The following GAB2 variants were observed in gnomAD, a reference collection of about 807,000 sequenced individuals.
GAB2 encodes the protein GRB2-associated-binding protein 2.
In GAB2, 26 loss-of-function variants were observed where a neutral mutation model predicts 65.5. The observed-to-expected ratio is 0.40, with a 90% CI of 0.29 to 0.55. The LOEUF is 0.55. GAB2 is among the 20% of genes least tolerant of loss of function. The pLI, the probability that GAB2 is intolerant of heterozygous loss-of-function variation, is 0.53. For missense variants in GAB2, 884 were observed against 875.8 expected (o/e 1.01, Z -0.12); for synonymous variants, 321 against 329.6 (o/e 0.97, Z 0.28).
At chr11:78,393,763 T>C (rs1760740830) in intron 1 of GAB2, among the ~76,000 whole-genome samples, 1 of 152,258 alleles carries the variant, frequency 6.6e-6, no homozygotes, top group Non-Finnish European at 1.5e-5. Context: ...GCAATAATTG[T>C]AACAGTTACC....
chr11:78,336,490 T>TG (rs910548096), intron 1 of GAB2, among the ~76,000 whole-genome samples: 52 of 150,968 alleles, frequency 3.4e-4, no homozygotes, highest in African/African-American at 1.2e-3. Context: ...GTTTTTTTTT[T>TG]TTTTTGGTGA....
At chr11:78,243,658 G>T (rs1423854763) in intron 3 of GAB2, among the ~76,000 whole-genome samples, 1 of 151,260 alleles carries the variant, frequency 6.6e-6, no homozygotes, top group Non-Finnish European at 1.5e-5. Context: ...GGCTCACATG[G>T]TGAAACCCTG....
chr11:78,408,269 G>T (rs918607146), intron 1 of GAB2, among the ~76,000 whole-genome samples: 2 of 152,066 alleles, frequency 1.3e-5, no homozygotes, highest in East Asian at 1.9e-4. Flanking sequence ...GGGAGGTAAG[G>T]TTACTATACT....
intron 2 of GAB2, among the ~76,000 whole-genome samples, chr11:78,278,711 C>T (rs929771420): frequency 7.0e-5 from 10 of 142,108 alleles, no homozygotes; most frequent in African/African-American, 2.8e-4. Context: ...TTATTCCCCA[C>T]CCCCAACATT....
At chr11:78,359,352 G>A (rs1470113617) in intron 1 of GAB2, among the ~76,000 whole-genome samples, 2 of 152,290 alleles carry the variant, frequency 1.3e-5, no homozygotes, top group South Asian at 2.1e-4. Flanking sequence ...GAGATCACCT[G>A]CAGAAGAATG....
At chr11:78,220,139 A>G (rs918009096) in intron 9 of GAB2, among the ~76,000 whole-genome samples, 180 bp downstream of exon 9, 3 of 152,186 alleles carry the variant, frequency 2.0e-5, no homozygotes, top group African/African-American at 7.2e-5. Context: ...GAGAGCAGGA[A>G]TAGGAGTCTT....
chr11:78,284,836 T>A lies in GAB2; in HGVS notation c.76-3935A>T, dbSNP rs187607891. Among the ~76,000 whole-genome samples, 18 of 152,244 alleles carry A rather than the reference T, an allele frequency of 1.2e-4. No homozygotes were observed. In the East Asian group the frequency reaches 3.3e-3, roughly 28 times the overall value. ...TTGGTTCTTTTTATTCCATGATGCA[T>A]CCTTGGTGTTTAGAATATTGCCTGG... On this transcript the variant is annotated intron_variant, in intron 1 of 9. Transcript: ENST00000361507.
At chr11:78,224,919 C>T (rs979710482) in intron 5 of GAB2, among the ~76,000 whole-genome samples, 189 bp downstream of exon 5, 1 of 152,088 alleles carries the variant, frequency 6.6e-6, no homozygotes, top group Non-Finnish European at 1.5e-5. Context: ...ACATTTCTTC[C>T]AGACTAGAAT....
At chr11:78,409,325 C>G (rs574909835) in intron 1 of GAB2, among the ~76,000 whole-genome samples, 1 of 152,146 alleles carries the variant, frequency 6.6e-6, no homozygotes. Context: ...TGGCTCATGT[C>G]TGTAATCCCA....
intron 1 of GAB2, among the ~76,000 whole-genome samples, chr11:78,352,840 C>T (rs1362394409): frequency 6.6e-6 from 1 of 152,136 alleles, no homozygotes; most frequent in Admixed American, 6.5e-5. Flanking sequence ...ATATCAAAGT[C>T]CTTGTGATTT....
intron 1 of GAB2, among the ~76,000 whole-genome samples, chr11:78,396,690 C>T (rs976934440): frequency 1.3e-5 from 2 of 152,272 alleles, no homozygotes; most frequent in South Asian, 2.1e-4. Context: ...CTCCGCCTCC[C>T]GGGTTCAAGC....
chr11:78,224,095 TA>T (rs1194760270), intron 5 of GAB2, among the ~76,000 whole-genome samples: 1 of 151,174 alleles, frequency 6.6e-6, no homozygotes, highest in Non-Finnish European at 1.5e-5. Flanking sequence ...AAATAAAAAA[TA>T]AAAAAAAGGA....
chr11:78,280,845 A>G lies in GAB2; in HGVS notation c.132T>C (p.Asp44=). 2 of 1,614,072 alleles carry G rather than the reference A, an allele frequency of 1.2e-6. No homozygotes were observed. Among genetic ancestry groups the G allele is most frequent in the Non-Finnish European group, 1.7e-6 (2 of 1,179,898 alleles). ...LRSGRMSGDP[D]VLEYYKNDHS... Reference sequence around the variant, plus strand: ...GATCGTTCTTGTAGTATTCCAGAACATCTGGGTCACCGCTCATCCGGCCAC... The same window carrying G: ...GATCGTTCTTGTAGTATTCCAGAACGTCTGGGTCACCGCTCATCCGGCCAC... The change falls in exon 2 of 10, where the codon GAT becomes GAC. Residue 44 remains aspartate, a synonymous_variant. Coordinates refer to ENST00000361507, the MANE Select transcript of GAB2 (RefSeq NM_080491.3).
chr11:78,341,107 A>G (rs771445632), intron 1 of GAB2, among the ~76,000 whole-genome samples: 1 of 152,234 alleles, frequency 6.6e-6, no homozygotes, highest in African/African-American at 2.4e-5. Context: ...GCTCCTGATT[A>G]TATCTACTAT....
chr11:78,229,906 AT>A (rs1214732120), intron 3 of GAB2, among the ~76,000 whole-genome samples: 1 of 152,138 alleles, frequency 6.6e-6, no homozygotes, highest in Admixed American at 6.5e-5. Context: ...CAGAAGACAC[AT>A]TTTTTAAGGC....
intron 5 of GAB2, 34 bp from the exon 6 acceptor site, chr11:78,223,710 T>C (rs748391304): frequency 6.5e-7 from 1 of 1,527,362 alleles, no homozygotes; most frequent in Non-Finnish European, 8.8e-7. Flanking sequence ...AATACAGCTG[T>C]TACTAGCAAG....
chr11:78,258,830 C>T (rs914103630), intron 2 of GAB2, among the ~76,000 whole-genome samples: 1 of 151,986 alleles, frequency 6.6e-6, no homozygotes, highest in Non-Finnish European at 1.5e-5. Flanking sequence ...ATAGGGTACC[C>T]TTTTTGATTT....
At chr11:78,252,193 T>C (rs1171190746) in intron 2 of GAB2, among the ~76,000 whole-genome samples, 1 of 152,216 alleles carries the variant, frequency 6.6e-6, no homozygotes, top group Non-Finnish European at 1.5e-5. Context: ...TCTACAGTAT[T>C]AATTACTCTC....
intron 3 of GAB2, among the ~76,000 whole-genome samples, chr11:78,231,595 G>C (rs1241365741): frequency 1.3e-5 from 2 of 152,116 alleles, no homozygotes; most frequent in Non-Finnish European, 2.9e-5. Flanking sequence ...TGGTCTGCCC[G>C]CCTCAGCCTC....
Sources: allele counts gnomAD v4.1 joint callset (sites outside exome capture counted in the v4.1 genomes callset), GRCh38; gene constraint gnomAD v4.1.1; transcripts MANE v1.5; gene names NCBI Gene and HGNC (gene_info 2026-07-23, HGNC 2026-07-21).